DDX6: variants seen among roughly 807,000 people sequenced by gnomAD.
The protein encoded by DDX6 is DEAD-box helicase 6, also known as probable ATP-dependent RNA helicase DDX6.
DDX6 carries 7 observed loss-of-function variants against 60.6 expected under a neutral mutation model. The ratio of observed to expected loss-of-function variants is 0.12; its 90% CI spans 0.07 to 0.22. The LOEUF (loss-of-function observed/expected upper bound fraction) is 0.22, where lower values mean the gene tolerates loss of function less well. Ranked by LOEUF, DDX6 falls within the 10% of genes least tolerant of loss-of-function variation. The pLI is 1.00. For synonymous variants in DDX6, 207 were observed against 201.0 expected (o/e 1.03, Z -0.25); for missense variants, 270 against 589.9 (o/e 0.46, Z 5.62).
At position 118,765,394 on chromosome 11, in the gene DDX6, T is replaced by C. The variant is rs781787048; in HGVS notation, c.500-39A>G. 2.6e-5 allele frequency: 41 copies of C among 1,606,332 alleles called. 1 individual carries two copies. In the South Asian group the frequency reaches 4.3e-4, roughly 17 times the overall value. ...AAGGAATATATAAGAAAATATGGGG[T>C]GAGGTGGGAGAACATGCTATACATC... is the stretch of plus-strand genomic sequence containing the variant. On this transcript the variant is annotated intron_variant, in intron 5 of 13. Coordinates refer to ENST00000534980, the MANE Select transcript of DDX6 (RefSeq NM_004397.6).
chr11:118,783,107 G>A (rs573897491), intron 2 of DDX6, among the ~76,000 whole-genome samples: 1 of 151,940 alleles, frequency 6.6e-6, no homozygotes, highest in South Asian at 2.1e-4. Flanking sequence ...GTAAGTGACG[G>A]AGGTTAAGTA....
At chr11:118,781,356 C>A (rs1388077878) in intron 2 of DDX6, among the ~76,000 whole-genome samples, 172 bp from the exon 3 acceptor site, 17 of 152,042 alleles carry the variant, frequency 1.1e-4, no homozygotes, top group African/African-American at 4.1e-4. Context: ...TATAGAGAAT[C>A]TCAGGAGGAT....
intron 5 of DDX6, among the ~76,000 whole-genome samples, chr11:118,766,912 A>AG (rs71044489): frequency 1 from 151,751 of 151,946 alleles, 75,780 homozygotes; most frequent in Middle Eastern, 1. Context: ...TTTGAGACAG[A>AG]TCTCGCTCTG....
At position 118,779,156 on chromosome 11, in the gene DDX6, C is replaced by CAAAAA. The variant is rs5795140; in HGVS notation, c.369+471_369+475dup. ...GGGTGACAGGGCAAGACCCAGTTGC[C>CAAAAA]AAAAAAAAAAAAAAAAAAGAGGGAT... On this transcript the variant is annotated intron_variant, in intron 4 of 13. Transcript: ENST00000534980. 9.5e-4 allele frequency among the ~76,000 whole-genome samples: 119 copies of CAAAAA among 125,870 alleles called. 9 individuals carry two copies. The highest frequency in any genetic ancestry group is 1.3e-3 in the Non-Finnish European group (78 of 61,400). 82.6% of individuals were successfully genotyped at this position (125,870 alleles called of 152,430 possible). A position where few individuals can be genotyped will look rare whatever the true frequency, so the allele number is the denominator to read the frequency against.
chr11:118,761,778 C>G lies in DDX6; in HGVS notation c.741+1434G>C, dbSNP rs560167032. On this transcript the variant is annotated intron_variant, in intron 7 of 13. Transcript: ENST00000534980. Reference sequence around the variant, plus strand: ...TGAAGTATAAAACGTATTTTATAAGCAAATTAGAAGTTGGATGTCTACATA... The same window carrying G: ...TGAAGTATAAAACGTATTTTATAAGGAAATTAGAAGTTGGATGTCTACATA... Among the ~76,000 whole-genome samples, 3 of 146,078 alleles carry G rather than the reference C, an allele frequency of 2.1e-5. No individual in the cohort carries two copies. In the East Asian group the frequency reaches 6.2e-4, roughly 30 times the overall value.
intron 7 of DDX6, among the ~76,000 whole-genome samples, chr11:118,760,819 G>A (rs1360153349): frequency 4.0e-5 from 4 of 99,658 alleles, no homozygotes; most frequent in Admixed American, 1.3e-4. Context: ...AGACTACTCC[G>A]TCTCAAAAAA....
At chr11:118,780,011 G>A (rs1344824449) in intron 3 of DDX6, among the ~76,000 whole-genome samples, 1 of 149,980 alleles carries the variant, frequency 6.7e-6, no homozygotes, top group Non-Finnish European at 1.5e-5. Flanking sequence ...AGCTACTTGG[G>A]AGGCTGAGGC....
chr11:118,768,207 C>T lies in DDX6; in HGVS notation c.499+16G>A, dbSNP rs1861419498. On this transcript the variant is annotated intron_variant, in intron 5 of 13. Transcript: ENST00000534980. ...CTCCCATTTTTAGTTTAAAAACAAA[C>T]TTTTATTCAACTAACCTTGTATATT... 1 of 1,607,768 alleles carries T rather than the reference C, an allele frequency of 6.2e-7. No individual in the cohort carries two copies.
rs1860627879 is a variant in DDX6 at position 118,748,244 on chromosome 11, G to C, written c.*3861C>G. 1 of 152,122 alleles carries C rather than the reference G, an allele frequency of 6.6e-6. No individual in the cohort carries two copies. Among genetic ancestry groups the C allele is most frequent in the African/African-American group, 2.4e-5 (1 of 41,422 alleles). 9.4% of individuals were successfully genotyped at this position (152,122 alleles called of 1,614,324 possible). Reference sequence around the variant, plus strand: ...ACACTTCTGTTGGAATCTGTCAGCTGTGGATGGGCAGAGTCCAGGTGCCAG... The same window carrying C: ...ACACTTCTGTTGGAATCTGTCAGCTCTGGATGGGCAGAGTCCAGGTGCCAG... On this transcript the variant is annotated 3_prime_UTR_variant, in exon 14 of 14. Coordinates refer to ENST00000534980, the MANE Select transcript of DDX6 (RefSeq NM_004397.6).
At position 118,751,067 on chromosome 11, in the gene DDX6, G is replaced by GTATATATATA. The variant is rs36063767; in HGVS notation, c.*1028_*1037dup. 2.2e-4 allele frequency: 31 copies of GTATATATATA among 140,182 alleles called. No homozygotes were observed. In the South Asian group the frequency reaches 2.5e-3, roughly 11 times the overall value. The allele number at this position is 140,182 out of a possible 1,614,324, so 8.7% of individuals were successfully genotyped here. A position where few individuals can be genotyped will look rare whatever the true frequency, so the allele number is the denominator to read the frequency against. ...CATCCAAAAAAAAATATATATATATGTATATATATATATATATATGAACCC... is the reference window on the plus strand; with the variant it reads ...CATCCAAAAAAAAATATATATATATGTATATATATATATATATATATATATATATGAACCC... On this transcript the variant is annotated 3_prime_UTR_variant, in exon 14 of 14. Coordinates refer to ENST00000534980, the MANE Select transcript of DDX6 (RefSeq NM_004397.6).
chr11:118,785,216 A>G (rs1211322269), intron 2 of DDX6, among the ~76,000 whole-genome samples: 1 of 152,224 alleles, frequency 6.6e-6, no homozygotes, highest in East Asian at 1.9e-4. Flanking sequence ...AATAGCCTAC[A>G]TACTTTCAGC....
At chr11:118,765,874 C>T (rs183532258) in intron 5 of DDX6, among the ~76,000 whole-genome samples, 142 of 151,960 alleles carry the variant, frequency 9.3e-4, no homozygotes, top group African/African-American at 3.1e-4. Context: ...CACCTGAGGC[C>T]GGGAGTTTGA....
chr11:118,753,025 C>CA (rs1860831372), intron 13 of DDX6, among the ~76,000 whole-genome samples: 3 of 152,146 alleles, frequency 2.0e-5, no homozygotes, highest in Non-Finnish European at 4.4e-5. Context: ...CCTAGGAAAT[C>CA]AGAGTGGGTT....
intron 4 of DDX6, 133 bp downstream of exon 4, chr11:118,779,499 T>G (rs1861816551): frequency 1.7e-6 from 1 of 574,484 alleles, no homozygotes; most frequent in Non-Finnish European, 3.0e-6. Flanking sequence ...AATTTACCCT[T>G]AAAAATTTCA....
chr11:118,785,233 A>C (rs1862035126), intron 2 of DDX6, among the ~76,000 whole-genome samples: 1 of 152,228 alleles, frequency 6.6e-6, no homozygotes, highest in Admixed American at 6.5e-5. Context: ...CAGCTTTAAA[A>C]GAAAAAATAT....
intron 6 of DDX6, among the ~76,000 whole-genome samples, chr11:118,764,597 G>A (rs1555160936): frequency 6.6e-6 from 1 of 152,102 alleles, no homozygotes; most frequent in Non-Finnish European, 1.5e-5. Flanking sequence ...GAGGTCAGGA[G>A]ATCGAGACCA....
intron 4 of DDX6, among the ~76,000 whole-genome samples, chr11:118,776,742 G>C (rs1237472553): frequency 6.6e-6 from 1 of 151,594 alleles, no homozygotes; most frequent in Non-Finnish European, 1.5e-5. Context: ...CTGAGGCAGG[G>C]GAATCGCGTG....
At chr11:118,771,256 A>G (rs1861525256) in intron 4 of DDX6, among the ~76,000 whole-genome samples, 1 of 151,998 alleles carries the variant, frequency 6.6e-6, no homozygotes, top group African/African-American at 2.4e-5. Flanking sequence ...CTTTTTTTCA[A>G]TCAAGTGAGG....
intron 2 of DDX6, among the ~76,000 whole-genome samples, chr11:118,783,808 C>A (rs1305495827): frequency 2.4e-4 from 1 of 4,230 alleles, no homozygotes. Flanking sequence ...GAGAGTCCAT[C>A]TCAAAAAAAA....
Sources: gnomAD v4.1 joint callset for allele counts (sites outside exome capture counted in the v4.1 genomes callset) on GRCh38, gnomAD v4.1.1 for gene constraint, MANE v1.5 for transcripts, NCBI Gene and HGNC (gene_info 2026-07-23, HGNC 2026-07-21) for gene names.